The following MYO5B variants were observed in gnomAD, a reference collection of about 807,000 sequenced individuals.
The protein encoded by MYO5B is unconventional myosin-Vb.
MYO5B carries 143 observed loss-of-function variants against 229.3 expected under a neutral mutation model. The observed-to-expected ratio is 0.62, with a 90% CI of 0.54 to 0.72. The LOEUF is 0.72. Ranked by LOEUF, MYO5B falls within the 30% of genes least tolerant of loss-of-function variation. The pLI is 0.00. For missense variants in MYO5B, 2,321 were observed against 2,331.0 expected (o/e 1.00, Z 0.09); for synonymous variants, 918 against 885.2 (o/e 1.04, Z -0.66).
chr18:50,180,928 G>C (rs1165882129), intron 1 of MYO5B, among the ~76,000 whole-genome samples: 1 of 152,218 alleles, frequency 6.6e-6, no homozygotes, highest in Non-Finnish European at 1.5e-5. Flanking sequence ...CCTTGGAATA[G>C]TCAAAAGGGT....
intron 7 of MYO5B, among the ~76,000 whole-genome samples, chr18:49,989,587 C>T (rs1469737315): frequency 6.6e-6 from 1 of 152,068 alleles, no homozygotes; most frequent in African/African-American, 2.4e-5. Flanking sequence ...TCAGTCATTA[C>T]CCCATAAGGA....
rs757246831 is a variant in MYO5B at position 49,847,128 on chromosome 18, G to A, written c.4459+18C>T. On this transcript the variant is annotated intron_variant, in intron 33 of 39. Transcript: ENST00000285039. ...GAAGGAGGGGCAGGCAGCATAGGGT[G>A]GCACAGAGGGTCCTTACCTGTCACC... is the stretch of plus-strand genomic sequence containing the variant. 20 of 1,613,838 alleles carry A rather than the reference G, an allele frequency of 1.2e-5. No individual in the cohort carries two copies. Among genetic ancestry groups the A allele is most frequent in the South Asian group, 1.1e-4 (10 of 91,074 alleles).
At chr18:50,159,659 C>T (rs73959892) in intron 1 of MYO5B, among the ~76,000 whole-genome samples, 1,921 of 152,294 alleles carry the variant, frequency 0.013, 29 homozygotes, top group African/African-American at 0.043. Context: ...AAGGAATCTT[C>T]TATTCTAAGA....
At chr18:50,096,363 T>C (rs898657597) in intron 1 of MYO5B, among the ~76,000 whole-genome samples, 1 of 152,108 alleles carries the variant, frequency 6.6e-6, no homozygotes, top group Non-Finnish European at 1.5e-5. Flanking sequence ...CTCTGAAGCA[T>C]TCTGACTCAA....
At chr18:49,966,234 A>C (rs906329587) in intron 10 of MYO5B, among the ~76,000 whole-genome samples, 1 of 152,234 alleles carries the variant, frequency 6.6e-6, no homozygotes. Flanking sequence ...TTTAGAGATT[A>C]AATGAGTCAA....
At chr18:50,149,623 G>C (rs2032562309) in intron 1 of MYO5B, among the ~76,000 whole-genome samples, 1 of 149,322 alleles carries the variant, frequency 6.7e-6, no homozygotes, top group Admixed American at 6.6e-5. Flanking sequence ...GGGAAAACTG[G>C]CTAGCCATAT....
At chr18:50,055,235 A>AACCCCC in intron 2 of MYO5B, 33 bp downstream of exon 2, 1 of 353,290 alleles carries the variant, frequency 2.8e-6, no homozygotes, top group Non-Finnish European at 5.7e-6. Context: ...GCCCCACCTC[A>AACCCCC]CCCCCGCCCC....
intron 1 of MYO5B, among the ~76,000 whole-genome samples, chr18:50,144,755 T>C (rs1195450002): frequency 6.6e-6 from 1 of 152,216 alleles, no homozygotes; most frequent in Non-Finnish European, 1.5e-5. Context: ...GTATGGATTA[T>C]GAATGTGAAA....
At chr18:49,830,244 A>G (rs903680156) in intron 39 of MYO5B, among the ~76,000 whole-genome samples, 2 of 152,304 alleles carry the variant, frequency 1.3e-5, no homozygotes, top group African/African-American at 4.8e-5. Flanking sequence ...TTGTATTTCT[A>G]TTCACTAGTA....
chr18:50,100,832 C>T (rs61581673), intron 1 of MYO5B, among the ~76,000 whole-genome samples: 6,490 of 152,258 alleles, frequency 0.043, 147 homozygotes, highest in African/African-American at 0.053. Flanking sequence ...CCCCTAGATG[C>T]GGAAGTGGCT....
At chr18:49,988,375 A>G (rs1316410671) in intron 7 of MYO5B, among the ~76,000 whole-genome samples, 1 of 152,178 alleles carries the variant, frequency 6.6e-6, no homozygotes, top group African/African-American at 2.4e-5. Flanking sequence ...TCACTCCAAA[A>G]TATTCTCAGA....
intron 6 of MYO5B, among the ~76,000 whole-genome samples, chr18:49,991,965 A>C (rs941338484): frequency 6.6e-6 from 1 of 152,214 alleles, no homozygotes; most frequent in African/African-American, 2.4e-5. Flanking sequence ...CATTCCCCTG[A>C]TAAGACTTTA....
chr18:49,942,846 A>C (rs973272623), intron 14 of MYO5B, among the ~76,000 whole-genome samples: 7 of 152,212 alleles, frequency 4.6e-5, no homozygotes, highest in East Asian at 1.9e-4. Flanking sequence ...ACCATTTGAC[A>C]CGGCCATCAC....
intron 1 of MYO5B, chr18:50,126,607 A>T (rs1243704597): frequency 1.3e-5 from 2 of 154,900 alleles, no homozygotes; most frequent in East Asian, 3.8e-4. Flanking sequence ...GCTTGCACAC[A>T]TTCCTGCTCT....
intron 31 of MYO5B, among the ~76,000 whole-genome samples, chr18:49,852,432 A>G (rs539709371): frequency 1.3e-5 from 2 of 152,284 alleles, no homozygotes; most frequent in East Asian, 3.9e-4. Flanking sequence ...AGAGAGGGAG[A>G]GAGAGGGAGG....
At chr18:49,964,291 C>CT (rs2025597142) in intron 10 of MYO5B, among the ~76,000 whole-genome samples, 1 of 152,174 alleles carries the variant, frequency 6.6e-6, no homozygotes, top group African/African-American at 2.4e-5. Flanking sequence ...TTTTAATCAT[C>CT]TTTATTGAGT....
intron 5 of MYO5B, among the ~76,000 whole-genome samples, chr18:49,995,863 C>T (rs567384526): frequency 1.3e-5 from 2 of 152,218 alleles, no homozygotes; most frequent in African/African-American, 2.4e-5. Flanking sequence ...CCAACTACCA[C>T]ATCTTAAGGA....
At position 50,179,193 on chromosome 18, in the gene MYO5B, A is replaced by T. The variant is rs11874465; in HGVS notation, c.27+15574T>A. ...TGTAGGCAGAGATTGATGATAGTTT[A>T]GACTCAGGCAGAAGGATGCAAGTTC... On this transcript the variant is annotated intron_variant, in intron 1 of 39. Coordinates refer to ENST00000285039, the MANE Select transcript of MYO5B (RefSeq NM_001080467.3). Among the ~76,000 whole-genome samples the T allele has an allele frequency of 2.2e-3, 332 of 152,318 alleles. 1 individual carries two copies. Among genetic ancestry groups the T allele is most frequent in the African/African-American group, 7.8e-3 (323 of 41,564 alleles).
At position 49,877,830 on chromosome 18, in the gene MYO5B, T is replaced by C. The variant is rs2024544405; in HGVS notation, c.3329A>G (p.Asp1110Gly). Residue 1110 changes from aspartate to glycine, a missense_variant, in exon 25 of 40, where the codon GAC becomes GGC. Physicochemically the swap from Asp to Gly is moderately conservative, Grantham distance 94 (BLOSUM62 -1). Transcript: ENST00000285039. ...TGTGGAGATGGAGGGGTAATTGGAGTCAGATTCTAAGCTACTTTGGTTTGA... is the reference window on the plus strand; with the variant it reads ...TGTGGAGATGGAGGGGTAATTGGAGCCAGATTCTAAGCTACTTTGGTTTGA... ...NPSNQSSLES[D>G]SNYPSISTSE... is the part of the protein sequence containing the mutation. The C allele has an allele frequency of 2.5e-6, 4 of 1,613,966 alleles. No homozygotes were observed. The highest frequency in any genetic ancestry group is 1.3e-5 in the African/African-American group (1 of 74,894).
Sources: gnomAD v4.1 joint callset for allele counts (sites outside exome capture counted in the v4.1 genomes callset) on GRCh38, gnomAD v4.1.1 for gene constraint, MANE v1.5 for transcripts, NCBI Gene and HGNC (gene_info 2026-07-23, HGNC 2026-07-21) for gene names.